PCDHA1: variants seen among roughly 807,000 people sequenced by gnomAD.
The protein encoded by PCDHA1 is protocadherin alpha 1.
Under a neutral mutation model 61.3 loss-of-function variants are expected in PCDHA1, and 42 were observed. That is an observed-to-expected ratio of 0.69 (90% confidence interval 0.54 to 0.89). The LOEUF is 0.89. Ranked by LOEUF, PCDHA1 falls within the 40% of genes least tolerant of loss-of-function variation. The probability of loss-of-function intolerance (pLI) is 0.00; values close to 1 mark genes in which losing one functional copy is unlikely to be tolerated. For missense variants in PCDHA1, 1,256 were observed against 1,235.3 expected (o/e 1.02, Z -0.25); for synonymous variants, 610 against 553.8 (o/e 1.10, Z -1.43).
chr5:140,822,446 C>T, intron 1 of PCDHA1: 1 of 1,613,574 alleles, frequency 6.2e-7, no homozygotes. Flanking sequence ...CTAACAGGTA[C>T]AGTTCAGTTG....
rs148596731 is a variant in PCDHA1 at position 141,000,361 on chromosome 5, GTCTCTCTCTCTC to G, written c.2543-9242_2543-9231del. Among the ~76,000 whole-genome samples, 60 of 26,440 alleles carry G rather than the reference GTCTCTCTCTCTC, an allele frequency of 2.3e-3. 1 individual carries two copies. Among genetic ancestry groups the G allele is most frequent in the Admixed American group, 5.8e-3 (10 of 1,730 alleles). The allele number at this position is 26,440 out of a possible 152,430, so 17.3% of individuals were successfully genotyped here. On this transcript the variant is annotated intron_variant, in intron 3 of 3. Transcript: ENST00000504120. ...CCTATCTCTCTCTCTGTCTCTCTCT[GTCTCTCTCTCTC>G]TCTCTCTCTCTCTCTCTCTCTCTAT...
chr5:140,952,903 C>T (rs896493880), intron 1 of PCDHA1, among the ~76,000 whole-genome samples: 4 of 152,092 alleles, frequency 2.6e-5, no homozygotes, highest in African/African-American at 7.2e-5. Flanking sequence ...GGGAATCAAG[C>T]TCATCTTACA....
intron 1 of PCDHA1, chr5:140,876,078 A>C (rs2056099570): frequency 6.2e-7 from 1 of 1,613,868 alleles, no homozygotes; most frequent in Non-Finnish European, 8.5e-7. Flanking sequence ...TATTGGACAG[A>C]GAGCAAACGC....
At chr5:140,926,409 C>G (rs1426750263) in intron 1 of PCDHA1, 3 of 152,670 alleles carry the variant, frequency 2.0e-5, no homozygotes, top group Admixed American at 6.5e-5. Context: ...CAGCAATCTG[C>G]GGGCAGAGGA....
chr5:140,796,293 C>A (rs901353156), intron 1 of PCDHA1: 31 of 1,614,016 alleles, frequency 1.9e-5, no homozygotes, highest in Non-Finnish European at 2.2e-5. Context: ...GCGTGTCCAT[C>A]GAGGTGGCCG....
At chr5:140,877,821 T>A in intron 1 of PCDHA1, 1 of 1,603,344 alleles carries the variant, frequency 6.2e-7, no homozygotes, top group East Asian at 2.2e-5. Flanking sequence ...GAGAAGATTG[T>A]TTAAATCCTC....
At position 140,827,869 on chromosome 5, in the gene PCDHA1, C is replaced by T; in HGVS notation, c.2394+39185C>T. ...TGTTTTAAAAATATATGGTATAGCA[C>T]TGTTACGTGAATTGATTTCTTACCT... On this transcript the variant is annotated intron_variant, in intron 1 of 3. Coordinates refer to ENST00000504120, the MANE Select transcript of PCDHA1 (RefSeq NM_018900.4). 8.0e-6 allele frequency: 5 copies of T among 625,262 alleles called. No individual in the cohort carries two copies. In the South Asian group the frequency reaches 8.1e-5, roughly 10 times the overall value. The allele number at this position is 625,262 out of a possible 1,614,324, so 38.7% of individuals were successfully genotyped here.
At chr5:140,862,607 A>C in intron 1 of PCDHA1, 3 of 519,204 alleles carry the variant, frequency 5.8e-6, no homozygotes, top group Non-Finnish European at 1.2e-5. Flanking sequence ...GTGTTCGTGA[A>C]AGGTAACAAC....
At chr5:140,925,978 T>G (rs2082847274) in intron 1 of PCDHA1, among the ~76,000 whole-genome samples, 1 of 152,164 alleles carries the variant, frequency 6.6e-6, no homozygotes, top group Admixed American at 6.5e-5. Flanking sequence ...AAAAAAGCCT[T>G]GAGCTCGCTG....
At chr5:140,859,674 A>G (rs1480845911) in intron 1 of PCDHA1, 1 of 154,702 alleles carries the variant, frequency 6.5e-6, no homozygotes. Flanking sequence ...ATAGCTTCAA[A>G]TAAAATTAAA....
Position 140,927,170 on chromosome 5 carries a change from G to A in PCDHA1, c.2395-51779G>A, listed in dbSNP as rs370656989. The A allele has an allele frequency of 2.6e-5, 42 of 1,614,048 alleles. No individual in the cohort carries two copies. The highest frequency in any genetic ancestry group is 3.5e-5 in the Non-Finnish European group (41 of 1,180,042). On this transcript the variant is annotated intron_variant, in intron 1 of 3. Coordinates refer to ENST00000504120, the MANE Select transcript of PCDHA1 (RefSeq NM_018900.4). Reference sequence around the variant, plus strand: ...CAGCTGTGCAGGGCCAAAGCTGCCTGCGTCTTGACCTACGACCTGGTGCTC... The same window carrying A: ...CAGCTGTGCAGGGCCAAAGCTGCCTACGTCTTGACCTACGACCTGGTGCTC...
chr5:140,845,311 A>G (rs1384736573), intron 1 of PCDHA1, among the ~76,000 whole-genome samples: 1 of 149,364 alleles, frequency 6.7e-6, no homozygotes, highest in Non-Finnish European at 1.5e-5. Flanking sequence ...CCTGGTTCTC[A>G]GGTATTACTT....
intron 3 of PCDHA1, among the ~76,000 whole-genome samples, chr5:140,982,904 T>G (rs1353983952): frequency 1.3e-5 from 2 of 151,900 alleles, no homozygotes; most frequent in African/African-American, 4.8e-5. Context: ...GGTGGCCTTA[T>G]GCACAGAGAT....
Position 140,870,545 on chromosome 5 carries a change from C to T in PCDHA1, c.2394+81861C>T, listed in dbSNP as rs1029944968. The T allele has an allele frequency of 1.2e-6, 2 of 1,614,108 alleles. No individual in the cohort carries two copies. Among genetic ancestry groups the T allele is most frequent in the Admixed American group, 1.7e-5 (1 of 60,034 alleles). On this transcript the variant is annotated intron_variant, in intron 1 of 3. Coordinates refer to ENST00000504120, the MANE Select transcript of PCDHA1 (RefSeq NM_018900.4). The stretch of plus-strand genomic sequence containing the variant: ...ATCTTCACAGTGTCGGCGCGGGACG[C>T]GGACGCGCAGGAGAACGCGCTGGTG...
At chr5:140,925,826 G>T (rs1284588733) in intron 1 of PCDHA1, among the ~76,000 whole-genome samples, 3 of 152,066 alleles carry the variant, frequency 2.0e-5, no homozygotes, top group Non-Finnish European at 2.9e-5. Flanking sequence ...CTTCTTTGGG[G>T]ACGGGTCGTC....
At chr5:140,803,486 G>T (rs1038889316) in intron 1 of PCDHA1, 3 of 1,614,260 alleles carry the variant, frequency 1.9e-6, no homozygotes, top group Non-Finnish European at 2.5e-6. Flanking sequence ...CTGGAGAGGG[G>T]TTGCCCAAGA....
At chr5:140,844,381 T>C (rs1554140633) in intron 1 of PCDHA1, among the ~76,000 whole-genome samples, 1 of 149,612 alleles carries the variant, frequency 6.7e-6, no homozygotes, top group African/African-American at 2.4e-5. Flanking sequence ...TTCTTTTAAT[T>C]CATTATTTAG....
chr5:140,898,321 G>T (rs370229202), intron 1 of PCDHA1, among the ~76,000 whole-genome samples: 1 of 151,946 alleles, frequency 6.6e-6, no homozygotes. Context: ...TTATGGTTTT[G>T]GGTCTAACGT....
At chr5:140,895,904 C>T (rs956599707) in intron 1 of PCDHA1, among the ~76,000 whole-genome samples, 10 of 152,136 alleles carry the variant, frequency 6.6e-5, no homozygotes, top group South Asian at 2.1e-4. Flanking sequence ...CTCCGCGTCC[C>T]GGGCTCAACA....
Sources: allele counts gnomAD v4.1 joint callset (sites outside exome capture counted in the v4.1 genomes callset), GRCh38; gene constraint gnomAD v4.1.1; transcripts MANE v1.5; gene names NCBI Gene and HGNC (gene_info 2026-07-23, HGNC 2026-07-21).